PCSK6: variants seen among roughly 807,000 people sequenced by gnomAD.
The protein encoded by PCSK6 is paired basic amino acid cleaving enzyme 4.
Under a neutral mutation model 123.3 loss-of-function variants are expected in PCSK6, and 85 were observed. The observed-to-expected ratio is 0.69, with a 90% confidence interval of 0.58 to 0.83. The LOEUF is 0.83. Among genes scored for constraint, PCSK6 ranks in the 40% least tolerant of loss-of-function variants. The pLI, the probability that PCSK6 is intolerant of heterozygous loss-of-function variation, is 0.00. For synonymous variants in PCSK6, 508 were observed against 516.0 expected, an observed-to-expected ratio of 0.98 and a Z score of 0.21; for missense variants, 1,191 against 1,282.3, an observed-to-expected ratio of 0.93 and a Z score of 1.09.
intron 12 of PCSK6, among the ~76,000 whole-genome samples, chr15:101,367,389 A>AT (rs2041431795): frequency 6.6e-6 from 1 of 152,198 alleles, no homozygotes; most frequent in African/African-American, 2.4e-5. Context: ...ATTGAAATAC[A>AT]TAAGTTTTGA....
At chr15:101,483,371 G>C (rs1314764352) in intron 1 of PCSK6, among the ~76,000 whole-genome samples, 1 of 152,236 alleles carries the variant, frequency 6.6e-6, no homozygotes, top group Admixed American at 6.5e-5. Context: ...TTCTGGGCCA[G>C]GTATGTCCTG....
chr15:101,422,715 G>A lies in PCSK6; in HGVS notation c.823+5177C>T, dbSNP rs186281937. ...CAGCTCACTGCAAGCTCTGCCTCCCGGGTTCACGCCATTCTCCTGCCTCAG... is the reference window on the plus strand; with the variant it reads ...CAGCTCACTGCAAGCTCTGCCTCCCAGGTTCACGCCATTCTCCTGCCTCAG... On this transcript the variant is annotated intron_variant, in intron 6 of 21. Transcript: ENST00000611716. Among the ~76,000 whole-genome samples, 347 of 151,842 alleles carry A rather than the reference G, an allele frequency of 2.3e-3. 3 individuals carry two copies. The East Asian group carries it at 0.033, about 14-fold the overall frequency.
chr15:101,446,234 A>C (rs772401304), intron 1 of PCSK6, among the ~76,000 whole-genome samples: 1 of 152,262 alleles, frequency 6.6e-6, no homozygotes, highest in Non-Finnish European at 1.5e-5. Flanking sequence ...GCTGCAGAAG[A>C]AGCTGGAATC....
chr15:101,348,188 C>T (rs1353189251), intron 13 of PCSK6, among the ~76,000 whole-genome samples: 3 of 152,364 alleles, frequency 2.0e-5, no homozygotes, highest in East Asian at 1.9e-4. Context: ...CCTGCGCCTC[C>T]GCTGCTCCTC....
At chr15:101,397,531 G>T (rs1243931464) in intron 7 of PCSK6, among the ~76,000 whole-genome samples, 1 of 151,978 alleles carries the variant, frequency 6.6e-6, no homozygotes, top group Non-Finnish European at 1.5e-5. Context: ...AGTCAGAGAA[G>T]CCTGGACTTC....
intron 8 of PCSK6, among the ~76,000 whole-genome samples, chr15:101,390,954 T>C (rs547587707): frequency 2.0e-4 from 31 of 151,232 alleles, no homozygotes; most frequent in African/African-American, 7.5e-4. Flanking sequence ...TGCCTAACCT[T>C]TGAGAATCAA....
chr15:101,366,000 T>A (rs8029952), intron 13 of PCSK6, 196 bp downstream of exon 13: 1 of 518,340 alleles, frequency 1.9e-6, no homozygotes, highest in African/African-American at 2.0e-5. Context: ...GACGTTTACA[T>A]GACATCGTGG....
intron 13 of PCSK6, among the ~76,000 whole-genome samples, chr15:101,354,623 G>A (rs563397285): frequency 3.9e-4 from 59 of 152,292 alleles, no homozygotes; most frequent in Admixed American, 1.2e-3. Context: ...TGACCTCTTC[G>A]GAAGAAATGT....
chr15:101,350,564 T>A (rs920204546), intron 13 of PCSK6, among the ~76,000 whole-genome samples: 1 of 152,232 alleles, frequency 6.6e-6, no homozygotes. Context: ...AGAAAAATAG[T>A]TTGATTTATT....
chr15:101,428,968 A>C (rs951008125), intron 5 of PCSK6, among the ~76,000 whole-genome samples: 2 of 152,104 alleles, frequency 1.3e-5, no homozygotes, highest in African/African-American at 4.8e-5. Flanking sequence ...TGGGACGTGC[A>C]TGAGGCTGGG....
Position 101,443,491 on chromosome 15 carries a change from C to T in PCSK6, c.402+65G>A, listed in dbSNP as rs893229764. ...CAGAATCACATTAAAATCCAGACTC[C>T]GCCATTTTTAAGACCACAGACCCAA... On this transcript the variant is annotated intron_variant, in intron 2 of 21. Transcript: ENST00000611716. 3.2e-5 allele frequency: 35 copies of T among 1,093,942 alleles called. 1 individual carries two copies. Among genetic ancestry groups the T allele is most frequent in the Middle Eastern group, 2.1e-4 (1 of 4,656 alleles). 67.8% of individuals were successfully genotyped at this position (1,093,942 alleles called of 1,614,324 possible).
At chr15:101,487,646 AT>A (rs1349976454) in intron 1 of PCSK6, among the ~76,000 whole-genome samples, 3 of 152,170 alleles carry the variant, frequency 2.0e-5, no homozygotes. Flanking sequence ...GCACTTTGTA[AT>A]TTATCGCGTA....
intron 2 of PCSK6, among the ~76,000 whole-genome samples, chr15:101,433,619 A>C (rs1289415733): frequency 6.6e-6 from 1 of 152,226 alleles, no homozygotes; most frequent in African/African-American, 2.4e-5. Context: ...GAGGAACAAG[A>C]GAAGGGGGCG....
At chr15:101,364,939 T>G (rs763766163) in intron 13 of PCSK6, 5 of 763,102 alleles carry the variant, frequency 6.6e-6, no homozygotes, top group Non-Finnish European at 1.2e-5. Flanking sequence ...AACAATATGG[T>G]ACTGACTCCA....
intron 1 of PCSK6, among the ~76,000 whole-genome samples, chr15:101,481,249 G>A (rs2057872866): frequency 6.6e-6 from 1 of 152,230 alleles, no homozygotes; most frequent in East Asian, 1.9e-4. Context: ...CCGGCGGGCT[G>A]GGGAAATCGG....
At chr15:101,379,031 C>A (rs2041833563) in intron 11 of PCSK6, among the ~76,000 whole-genome samples, 1 of 152,216 alleles carries the variant, frequency 6.6e-6, no homozygotes, top group Non-Finnish European at 1.5e-5. Context: ...GCCACTGGGG[C>A]AGCGTTGGAG....
In PCSK6 at chr15:101,430,042, C is replaced by A; in HGVS notation, c.679G>T (p.Val227Leu). 1 of 1,613,830 alleles carries A rather than the reference C, an allele frequency of 6.2e-7. No homozygotes were observed. The highest frequency in any genetic ancestry group is 8.5e-7 in the Non-Finnish European group (1 of 1,179,770). ...GATGGGTCATAATCATTGCCGTTCA[C>A]GTCGTAGCTGGCGTAGGAATCCTAA... is the stretch of plus-strand genomic sequence containing the variant. ...PNYDSYASYD[V>L]NGNDYDPSPR... Residue 227 changes from valine to leucine, a missense_variant, in exon 5 of 22, where the codon GTG (valine) becomes TTG (leucine). Physicochemically the swap from Val to Leu is conservative, Grantham distance 32. This residue lies in a region of PCSK6 where 357 missense variants were observed against 484.5 expected (regional missense o/e 0.74). Transcript: ENST00000611716.
intron 6 of PCSK6, 88 bp downstream of exon 6, chr15:101,427,804 A>C (rs2056307204): frequency 9.5e-7 from 1 of 1,054,572 alleles, no homozygotes; most frequent in Non-Finnish European, 1.4e-6. Flanking sequence ...GCCAAAAAAC[A>C]GGAGGCTGCT....
At chr15:101,307,617 G>C in intron 20 of PCSK6, 1 of 356,300 alleles carries the variant, frequency 2.8e-6, no homozygotes, top group Non-Finnish European at 5.3e-6. Context: ...AGCTCACCTG[G>C]ACACCCTCCT....
Sources: allele counts gnomAD v4.1 joint callset (sites outside exome capture counted in the v4.1 genomes callset), GRCh38; gene constraint gnomAD v4.1.1; regional missense constraint gnomAD v4.1.1; transcripts MANE v1.5; gene names NCBI Gene and HGNC (gene_info 2026-07-23, HGNC 2026-07-21).